The following ELL2 variants were observed in gnomAD, a reference collection of about 807,000 sequenced individuals.
ELL2 encodes the protein elongation factor for RNA polymerase II 2.
ELL2 carries 21 observed loss-of-function variants against 72.8 expected under a neutral mutation model. The observed-to-expected ratio is 0.29, with a 90% CI of 0.20 to 0.42. The LOEUF (loss-of-function observed/expected upper bound fraction) is 0.42. Ranked by LOEUF, ELL2 falls within the 10% of genes least tolerant of loss-of-function variation. The pLI is 1.00. For missense variants in ELL2, 568 were observed against 772.8 expected, an observed-to-expected ratio of 0.73 and a Z score of 3.14; for synonymous variants, 266 against 283.2, an observed-to-expected ratio of 0.94 and a Z score of 0.61.
rs748448228 is a variant in ELL2, at chr5:95,913,903, A to T, written c.349T>A (p.Phe117Ile). 3 of 1,610,778 alleles carry T rather than the reference A, an allele frequency of 1.9e-6. No individual in the cohort carries two copies. Among genetic ancestry groups the T allele is most frequent in the Non-Finnish European group, 2.5e-6 (3 of 1,178,778 alleles). ...CACACTGTAATTTTATCTTGTATAAATCCCAGGCAATTGAGCTGGGAGGCT... is the reference window on the plus strand; with the variant it reads ...CACACTGTAATTTTATCTTGTATAATTCCCAGGCAATTGAGCTGGGAGGCT... ...SGASQLNCLGFIQDKITVCAT... is the reference protein window; with the variant it reads ...SGASQLNCLGIIQDKITVCAT... Residue 117 changes from phenylalanine to isoleucine, a missense_variant, in exon 4 of 12, where the codon TTT (phenylalanine) becomes ATT (isoleucine). Phe to Ile is a conservative substitution (Grantham distance 21). Around this residue, in one of 2 missense-constraint regions of ELL2, gnomAD observed 511 missense variants for 728.4 expected, o/e 0.70. Transcript: ENST00000237853.
intron 2 of ELL2, among the ~76,000 whole-genome samples, chr5:95,931,796 T>TAAAAAAAAAAAA (rs368583353): frequency 8.3e-5 from 6 of 72,526 alleles, no homozygotes; most frequent in African/African-American, 3.9e-4. Context: ...GCCCTATCCA[T>TAAAAAAAAAAAA]AAAAAAAAAA....
At position 95,942,991 on chromosome 5, in the gene ELL2, A is replaced by G; in HGVS notation, c.195+11T>C. 1 of 1,572,608 alleles carries G rather than the reference A, an allele frequency of 6.4e-7. No homozygotes were observed. The highest frequency in any genetic ancestry group is 8.6e-7 in the Non-Finnish European group (1 of 1,159,670). ...ATTAGATTTGTTTGTTAAATCAATA[A>G]GAGTACTCACCCCGTGGAGTCCTTG... On this transcript the variant is annotated intron_variant, in intron 2 of 11. Transcript: ENST00000237853.
intron 1 of ELL2, among the ~76,000 whole-genome samples, chr5:95,954,840 T>C (rs2112361443): frequency 6.6e-6 from 1 of 152,248 alleles, no homozygotes; most frequent in South Asian, 2.1e-4. Context: ...ACAAACTTCT[T>C]CCTAACTTGT....
intron 9 of ELL2, among the ~76,000 whole-genome samples, chr5:95,894,465 G>A (rs543578458): frequency 5.3e-5 from 8 of 152,316 alleles, no homozygotes; most frequent in East Asian, 3.9e-4. Flanking sequence ...AGGAGAAGTC[G>A]TTTGCAGTTA....
chr5:95,908,703 T>C (rs1749469980), intron 4 of ELL2, among the ~76,000 whole-genome samples: 1 of 152,226 alleles, frequency 6.6e-6, no homozygotes, highest in African/African-American at 2.4e-5. Context: ...GCAACAGCGT[T>C]AACAAACATT....
chr5:95,902,971 T>C (rs1749198049), intron 5 of ELL2, among the ~76,000 whole-genome samples: 1 of 151,824 alleles, frequency 6.6e-6, no homozygotes, highest in African/African-American at 2.4e-5. Flanking sequence ...GTATTTTTTG[T>C]AGAGATGGGG....
Position 95,906,655 on chromosome 5 carries a change from C to T in ELL2, c.609G>A (p.Gln203=). 2.5e-6 allele frequency: 4 copies of T among 1,614,152 alleles called. No homozygotes were observed. The highest frequency in any genetic ancestry group is 2.5e-6 in the Non-Finnish European group (3 of 1,180,002). The change falls in exon 5 of 12, where the codon CAG becomes CAA. Residue 203 remains glutamine (Q), a synonymous_variant. Coordinates refer to ENST00000237853, the MANE Select transcript of ELL2 (RefSeq NM_012081.6). Reference sequence around the variant, plus strand: ...GAATCACCCTGTCCCTGTATGGCCTCTGAGAGATGGTGCTGCTGCTATGTG... The same window carrying T: ...GAATCACCCTGTCCCTGTATGGCCTTTGAGAGATGGTGCTGCTGCTATGTG... ...RKTHSSSTIS[Q]RPYRDRVIHL...
At chr5:95,931,522 A>G (rs1415141469) in intron 2 of ELL2, among the ~76,000 whole-genome samples, 4 of 152,154 alleles carry the variant, frequency 2.6e-5, no homozygotes, top group Non-Finnish European at 5.9e-5. Context: ...CTCATTCTGA[A>G]TCTTCATAAT....
intron 4 of ELL2, among the ~76,000 whole-genome samples, chr5:95,908,687 C>T (rs1279974236): frequency 1.3e-5 from 2 of 152,132 alleles, no homozygotes; most frequent in African/African-American, 4.8e-5. Flanking sequence ...CCACCATTTC[C>T]CAGTTGCAAC....
rs771192362 is a variant in ELL2 at position 95,927,408 on chromosome 5, C to CACGT, written c.196-7864_196-7863insACGT. Among the ~76,000 whole-genome samples, 50 of 25,494 alleles carry CACGT rather than the reference C, an allele frequency of 2.0e-3. 9 individuals carry two copies. Among genetic ancestry groups the CACGT allele is most frequent in the South Asian group, 0.014 (7 of 506 alleles). The allele number at this position is 25,494 out of a possible 152,430, so 16.7% of individuals were successfully genotyped here. ...GTGTGTATATATAGACATACACACACGTGTGTATATAGACATACACACACA... is the reference window on the plus strand; with the variant it reads ...GTGTGTATATATAGACATACACACACACGTGTGTGTATATAGACATACACACACA... On this transcript the variant is annotated intron_variant, in intron 2 of 11. Coordinates refer to ENST00000237853, the MANE Select transcript of ELL2 (RefSeq NM_012081.6).
intron 1 of ELL2, among the ~76,000 whole-genome samples, chr5:95,948,911 C>T (rs140383562): frequency 1.7e-3 from 260 of 152,306 alleles, no homozygotes; most frequent in South Asian, 7.5e-3. Flanking sequence ...TCAAAAGATT[C>T]TGTCAAATTT....
chr5:95,898,343 T>C lies in ELL2; in HGVS notation c.1422A>G (p.Gln474=), dbSNP rs772055336. The C allele has an allele frequency of 2.5e-6, 4 of 1,613,672 alleles. No individual in the cohort carries two copies. In the African/African-American group the frequency reaches 4.0e-5, roughly 16 times the overall value. Residue 474 remains glutamine (Q), a synonymous_variant, in exon 8 of 12, where the codon CAA becomes CAG. Transcript: ENST00000237853. ...TAGTCTCAATGTCGTGCTTTTTTAT[T>C]TGGTCCTTTTCCTTATGTTTTTTAG... is the stretch of plus-strand genomic sequence containing the variant. The part of the protein sequence containing the change: ...KKSKKHKEKD[Q]IKKHDIETIE...
chr5:95,953,598 A>G (rs1357920708), intron 1 of ELL2, among the ~76,000 whole-genome samples: 3 of 152,268 alleles, frequency 2.0e-5, no homozygotes, highest in Non-Finnish European at 4.4e-5. Context: ...AGACTAGGTT[A>G]TCTCCCTGGA....
chr5:95,902,236 C>T (rs903888907), intron 5 of ELL2, among the ~76,000 whole-genome samples: 2 of 152,340 alleles, frequency 1.3e-5, no homozygotes, highest in African/African-American at 4.8e-5. Flanking sequence ...ATAACCTTGT[C>T]TGTCTTTCTT....
At chr5:95,949,268 T>C (rs1485781705) in intron 1 of ELL2, among the ~76,000 whole-genome samples, 1 of 152,122 alleles carries the variant, frequency 6.6e-6, no homozygotes, top group Non-Finnish European at 1.5e-5. Context: ...AGCACAGCTG[T>C]TTTTTTGGAG....
At chr5:95,893,132 A>G (rs3777208) in intron 9 of ELL2, among the ~76,000 whole-genome samples, 49,244 of 152,068 alleles carry the variant, frequency 0.32, 8,662 homozygotes, top group African/African-American at 0.47. Context: ...AAATTATTCA[A>G]TGACCACAGT....
intron 9 of ELL2, 56 bp from the exon 10 acceptor site, chr5:95,891,330 G>A (rs1262768866): frequency 4.6e-6 from 7 of 1,523,834 alleles, no homozygotes; most frequent in African/African-American, 2.8e-5. Flanking sequence ...GATTGCACAA[G>A]TCTGAGATTT....
chr5:95,898,449 G>A lies in ELL2; in HGVS notation c.1316C>T (p.Pro439Leu), dbSNP rs1458471565. The A allele has an allele frequency of 1.2e-6, 2 of 1,613,666 alleles. No homozygotes were observed. Among genetic ancestry groups the A allele is most frequent in the Admixed American group, 1.7e-5 (1 of 60,008 alleles). The change falls in exon 8 of 12, where the codon CCC becomes CTC. Residue 439 changes from proline to leucine, a missense_variant. Pro to Leu is a moderately conservative substitution (Grantham distance 98). This residue lies in a region of ELL2 where 511 missense variants were observed against 728.4 expected (regional missense o/e 0.70). Coordinates refer to ENST00000237853, the MANE Select transcript of ELL2 (RefSeq NM_012081.6). ...ACACTTTAGTAGAACGGAACCAGGG[G>A]GTAAGGTTTCCAGAGAAGTCCTAGA... ...YTSRTSLETL[P>L]PGSVLLKCPK...
At chr5:95,918,578 T>C (rs915140884) in intron 3 of ELL2, among the ~76,000 whole-genome samples, 4 of 152,194 alleles carry the variant, frequency 2.6e-5, no homozygotes, top group African/African-American at 7.2e-5. Flanking sequence ...TTCCCCCACA[T>C]TGAGCAAGTA....
Sources: allele counts gnomAD v4.1 joint callset (sites outside exome capture counted in the v4.1 genomes callset), GRCh38; gene constraint gnomAD v4.1.1; regional missense constraint gnomAD v4.1.1; transcripts MANE v1.5; gene names NCBI Gene and HGNC (gene_info 2026-07-23, HGNC 2026-07-21).